The following SHOC2 variants were observed in gnomAD, a reference collection of about 807,000 sequenced individuals.
The protein encoded by SHOC2 is SHOC2 leucine rich repeat scaffold protein.
SHOC2 carries 4 observed loss-of-function variants against 50.2 expected under a neutral mutation model. The ratio of observed to expected loss-of-function variants is 0.08; its 90% CI spans 0.04 to 0.18. The LOEUF (loss-of-function observed/expected upper bound fraction) is 0.18, where lower values mean the gene tolerates loss of function less well. SHOC2 is among the 10% of genes least tolerant of loss of function. The pLI, the probability that SHOC2 is intolerant of heterozygous loss-of-function variation, is 1.00. For missense variants in SHOC2, 388 were observed against 669.6 expected (o/e 0.58, Z 4.64); for synonymous variants, 218 against 244.5 (o/e 0.89, Z 1.01).
intron 3 of SHOC2, among the ~76,000 whole-genome samples, chr10:110,991,316 AAT>A (rs904087270): frequency 4.6e-5 from 7 of 152,154 alleles, no homozygotes; most frequent in Non-Finnish European, 8.8e-5. Flanking sequence ...TGTGTTTACT[AAT>A]ATGAAAACAT....
At position 110,964,578 on chromosome 10, in the gene SHOC2, C is replaced by T; in HGVS notation, c.220C>T (p.Arg74Trp). Residue 74 changes from arginine (R) to tryptophan (W), a missense_variant, in exon 2 of 9, where the codon CGG becomes TGG. This residue lies in a region of SHOC2 where 121 missense variants were observed against 145.5 expected (regional missense o/e 0.83). Transcript: ENST00000369452. The surrounding 1 kb of genome is among the most constrained non-coding windows in gnomAD (Gnocchi z 4.9). Reference protein sequence around the residue: ...VAFSVDNTIKRPNPAPGTRKK... With the variant: ...VAFSVDNTIKWPNPAPGTRKK... ...ATTTTCAGTTGACAATACGATCAAACGGCCAAACCCAGCACCTGGGACTAG... is the reference window on the plus strand; with the variant it reads ...ATTTTCAGTTGACAATACGATCAAATGGCCAAACCCAGCACCTGGGACTAG... 3 of 1,614,006 alleles carry T rather than the reference C, an allele frequency of 1.9e-6. No homozygotes were observed. Among genetic ancestry groups the T allele is most frequent in the Non-Finnish European group, 1.7e-6 (2 of 1,179,988 alleles).
chr10:110,985,796 T>A, intron 3 of SHOC2, 31 bp downstream of exon 3: 6 of 1,586,562 alleles, frequency 3.8e-6, no homozygotes, highest in Non-Finnish European at 5.2e-6. Flanking sequence ...TATTGATAGC[T>A]GTTAATAGCT....
At chr10:110,942,866 C>CT (rs1847176037) in intron 1 of SHOC2, among the ~76,000 whole-genome samples, 1 of 152,168 alleles carries the variant, frequency 6.6e-6, no homozygotes, top group South Asian at 2.1e-4. Context: ...TCTTTTAGAA[C>CT]TTTGAGTATG....
chr10:110,979,605 C>T (rs545728588), intron 2 of SHOC2, among the ~76,000 whole-genome samples: 69 of 152,282 alleles, frequency 4.5e-4, no homozygotes, highest in African/African-American at 5.5e-4. Flanking sequence ...ATTATCAACA[C>T]GACTTCACCA....
chr10:110,983,499 T>TG (rs1273056841), intron 2 of SHOC2, among the ~76,000 whole-genome samples: 1 of 152,152 alleles, frequency 6.6e-6, no homozygotes, highest in Admixed American at 6.6e-5. Flanking sequence ...TCCCATAAGT[T>TG]TTTTTATTAT....
intron 8 of SHOC2, among the ~76,000 whole-genome samples, chr10:111,010,080 A>G (rs1322815376): frequency 6.6e-6 from 1 of 152,148 alleles, no homozygotes; most frequent in Non-Finnish European, 1.5e-5. Flanking sequence ...TACATTTCCA[A>G]TAGGTTTTAT....
At chr10:110,928,803 G>A (rs1037626133) in intron 1 of SHOC2, among the ~76,000 whole-genome samples, 5 of 152,124 alleles carry the variant, frequency 3.3e-5, no homozygotes, top group Non-Finnish European at 7.4e-5. Flanking sequence ...ACTGAGGTGG[G>A]AGGATGGCTG....
At chr10:111,008,711 G>A (rs1450409844) in intron 6 of SHOC2, among the ~76,000 whole-genome samples, 1 of 152,074 alleles carries the variant, frequency 6.6e-6, no homozygotes, top group African/African-American at 2.4e-5. Flanking sequence ...TTACGTATCT[G>A]TTTTACCTAT....
intron 2 of SHOC2, among the ~76,000 whole-genome samples, chr10:110,981,876 T>TAATTATACTC (rs1554859803): frequency 6.9e-4 from 94 of 135,476 alleles, no homozygotes; most frequent in African/African-American, 2.4e-3. Context: ...ATTTATTTTT[T>TAATTATACTC]TAAGTTTTAG....
rs1273263797 is a variant in SHOC2, at chr10:110,950,326, G to T, written c.-234-13799G>T. Among the ~76,000 whole-genome samples the T allele has an allele frequency of 2.9e-5, 4 of 140,152 alleles. 1 individual carries two copies. The highest frequency in any genetic ancestry group is 8.0e-5 in the African/African-American group (3 of 37,652). 91.9% of individuals were successfully genotyped at this position (140,152 alleles called of 152,430 possible). A position where few individuals can be genotyped will look rare whatever the true frequency, so the allele number is the denominator to read the frequency against. ...AAAAGGAATAAATTTAACAAAGGAGGTGAATGATCTACACAGAAATCGATA... is the reference window on the plus strand; with the variant it reads ...AAAAGGAATAAATTTAACAAAGGAGTTGAATGATCTACACAGAAATCGATA... On this transcript the variant is annotated intron_variant, in intron 1 of 8. Transcript: ENST00000369452.
intron 2 of SHOC2, among the ~76,000 whole-genome samples, chr10:110,976,024 C>G (rs1847872667): frequency 6.6e-6 from 1 of 152,090 alleles, no homozygotes; most frequent in African/African-American, 2.4e-5. Context: ...GATTCTCCTG[C>G]TTCAGCCTCC....
chr10:110,962,784 C>G (rs1264965120), intron 1 of SHOC2, among the ~76,000 whole-genome samples: 1 of 152,176 alleles, frequency 6.6e-6, no homozygotes, highest in South Asian at 2.1e-4. Context: ...TGAACACAAC[C>G]CATTAATCCA....
intron 1 of SHOC2, among the ~76,000 whole-genome samples, chr10:110,931,229 T>A (rs760796099): frequency 6.6e-6 from 1 of 152,188 alleles, no homozygotes; most frequent in Non-Finnish European, 1.5e-5. Context: ...ACTCTTGACA[T>A]AATTCTAGTT....
intron 3 of SHOC2, among the ~76,000 whole-genome samples, chr10:110,987,650 CA>C (rs1338249202): frequency 1.3e-5 from 2 of 151,856 alleles, no homozygotes; most frequent in African/African-American, 4.8e-5. Flanking sequence ...TAATAAGGAC[CA>C]AGCACAATTA....
chr10:110,959,752 G>T (rs1847537267), intron 1 of SHOC2, among the ~76,000 whole-genome samples: 1 of 152,192 alleles, frequency 6.6e-6, no homozygotes, highest in Non-Finnish European at 1.5e-5. Context: ...GGGAATTCTT[G>T]CTGAAAATGT....
chr10:111,011,574 AAT>A, intron 8 of SHOC2, 34 bp from the exon 9 acceptor site: 1 of 1,507,798 alleles, frequency 6.6e-7, no homozygotes, highest in Non-Finnish European at 9.2e-7. Flanking sequence ...AATAGCAACT[AAT>A]TTTTAAAAAA....
intron 1 of SHOC2, among the ~76,000 whole-genome samples, chr10:110,927,446 G>A (rs999930192): frequency 1.3e-5 from 2 of 152,216 alleles, no homozygotes; most frequent in Middle Eastern, 3.4e-3. Context: ...TCATAGAAAT[G>A]GGATGCTTAT....
At chr10:110,965,196 C>G (rs1336920046) in intron 2 of SHOC2, 135 bp downstream of exon 2, 1 of 758,718 alleles carries the variant, frequency 1.3e-6, no homozygotes, top group East Asian at 2.7e-5. Context: ...TTATGGTTTA[C>G]TTTATTCCAT....
At chr10:110,978,448 G>A (rs754189012) in intron 2 of SHOC2, among the ~76,000 whole-genome samples, 16 of 152,168 alleles carry the variant, frequency 1.1e-4, no homozygotes, top group Non-Finnish European at 2.1e-4. Context: ...TAAGGGTGAT[G>A]CTATTTGGTT....
Sources: gnomAD v4.1 joint callset for allele counts (sites outside exome capture counted in the v4.1 genomes callset) on GRCh38, gnomAD v4.1.1 for gene constraint, gnomAD v4.1.1 regional missense constraint, Gnocchi (gnomAD v3.1) non-coding constraint, MANE v1.5 for transcripts, NCBI Gene and HGNC (gene_info 2026-07-23, HGNC 2026-07-21) for gene names.